Variants in PEX14 observed in about 807,000 individuals in gnomAD.
PEX14 encodes the protein peroxisomal membrane protein PEX14.
A neutral mutation model predicts 49.5 loss-of-function variants in PEX14; 15 were observed. The observed-to-expected ratio is 0.30, with a 90% CI of 0.20 to 0.47. PEX14 has a LOEUF of 0.47. PEX14 is among the 20% of genes least tolerant of loss of function. The pLI is 1.00. For synonymous variants in PEX14, 210 were observed against 212.7 expected (o/e 0.99, Z 0.11); for missense variants, 398 against 494.8 (o/e 0.80, Z 1.86).
At chr1:10,609,777 C>T (rs901948208) in intron 4 of PEX14, among the ~76,000 whole-genome samples, 3 of 151,950 alleles carry the variant, frequency 2.0e-5, no homozygotes, top group Admixed American at 1.3e-4. Context: ...CCCAGCTACT[C>T]GAGAGGATGA....
chr1:10,531,198 G>A (rs1638640297), intron 2 of PEX14, among the ~76,000 whole-genome samples: 1 of 152,144 alleles, frequency 6.6e-6, no homozygotes, highest in South Asian at 2.1e-4. Flanking sequence ...GAGATATATA[G>A]CTTCATAATT....
chr1:10,530,447 G>A (rs1407945315), intron 2 of PEX14, among the ~76,000 whole-genome samples: 2 of 152,204 alleles, frequency 1.3e-5, no homozygotes, highest in Non-Finnish European at 1.5e-5. Context: ...CGCCGGCTCC[G>A]GCTAGGGGGC....
At chr1:10,615,493 G>C (rs1175589766) in intron 4 of PEX14, among the ~76,000 whole-genome samples, 14 of 152,258 alleles carry the variant, frequency 9.2e-5, no homozygotes, top group Non-Finnish European at 1.9e-4. Context: ...AGGAATCTCT[G>C]CGTTTGAATC....
At chr1:10,488,481 A>G (rs1641411471) in intron 1 of PEX14, among the ~76,000 whole-genome samples, 1 of 149,924 alleles carries the variant, frequency 6.7e-6, no homozygotes, top group African/African-American at 2.5e-5. Flanking sequence ...TACATATTAT[A>G]CTTTTCATGT....
intron 4 of PEX14, among the ~76,000 whole-genome samples, chr1:10,615,701 G>A (rs1298932368): frequency 6.6e-6 from 1 of 152,244 alleles, no homozygotes; most frequent in Non-Finnish European, 1.5e-5. Context: ...CGTTGTTGAT[G>A]GCAGCGTGGT....
chr1:10,497,480 T>A (rs913831357), intron 2 of PEX14, among the ~76,000 whole-genome samples: 3 of 152,170 alleles, frequency 2.0e-5, no homozygotes, highest in African/African-American at 7.2e-5. Context: ...GAACAGACAA[T>A]TGAGGAATAA....
intron 7 of PEX14, among the ~76,000 whole-genome samples, chr1:10,625,664 C>T (rs2124643186): frequency 6.6e-6 from 1 of 152,308 alleles, no homozygotes; most frequent in Middle Eastern, 3.4e-3. Flanking sequence ...CCCTAAAGCA[C>T]CAGGAAGCCC....
chr1:10,622,632 C>G (rs1377262201), intron 5 of PEX14, among the ~76,000 whole-genome samples: 1 of 152,198 alleles, frequency 6.6e-6, no homozygotes, highest in Non-Finnish European at 1.5e-5. Context: ...CTCCTGGAGG[C>G]TCCAGCATTA....
intron 2 of PEX14, among the ~76,000 whole-genome samples, chr1:10,531,651 G>C (rs1327890937): frequency 6.6e-6 from 1 of 152,134 alleles, no homozygotes; most frequent in Non-Finnish European, 1.5e-5. Context: ...TTGGTTGTTA[G>C]TGTCATTAAT....
chr1:10,544,713 G>GT (rs1639117068), intron 3 of PEX14, among the ~76,000 whole-genome samples: 1 of 151,726 alleles, frequency 6.6e-6, no homozygotes, highest in Non-Finnish European at 1.5e-5. Context: ...CCATATCCTG[G>GT]TTTGCAAGTA....
intron 1 of PEX14, among the ~76,000 whole-genome samples, chr1:10,481,359 C>T (rs928471690): frequency 6.6e-6 from 1 of 151,950 alleles, no homozygotes; most frequent in Non-Finnish European, 1.5e-5. Flanking sequence ...GGGATGGTCT[C>T]GAACCCCTGA....
chr1:10,518,697 C>G (rs998872950), intron 2 of PEX14, among the ~76,000 whole-genome samples: 73 of 152,256 alleles, frequency 4.8e-4, no homozygotes, highest in African/African-American at 1.7e-3. Flanking sequence ...AAGAAGGAGG[C>G]CTGCTATATG....
chr1:10,553,344 G>A (rs79838792), intron 3 of PEX14, among the ~76,000 whole-genome samples: 2,094 of 152,236 alleles, frequency 0.014, 62 homozygotes, highest in African/African-American at 0.048. Context: ...CCAGGAGTGA[G>A]AGACGCTGTG....
In PEX14 at chr1:10,537,345, C is replaced by G. The variant is rs978746044; in HGVS notation, c.169+1048C>G. ...CACTGGCTGCATTGTGCCAGCACCCCCCCCCCCCGCCATCATTAGGAGATT... is the reference window on the plus strand; with the variant it reads ...CACTGGCTGCATTGTGCCAGCACCCGCCCCCCCCGCCATCATTAGGAGATT... On this transcript the variant is annotated intron_variant, in intron 3 of 8. Transcript: ENST00000356607. Among the ~76,000 whole-genome samples, 21 of 69,940 alleles carry G rather than the reference C, an allele frequency of 3.0e-4. 5 individuals carry two copies. The highest frequency in any genetic ancestry group is 9.3e-4 in the African/African-American group (20 of 21,472). 45.9% of individuals were successfully genotyped at this position (69,940 alleles called of 152,430 possible). A position where few individuals can be genotyped will look rare whatever the true frequency, so the allele number is the denominator to read the frequency against.
At chr1:10,595,499 G>A (rs1230921122) in intron 3 of PEX14, among the ~76,000 whole-genome samples, 6 of 152,164 alleles carry the variant, frequency 3.9e-5, no homozygotes, top group African/African-American at 1.4e-4. Context: ...ATCACCAAGT[G>A]GCAGAAAGGA....
chr1:10,630,002 C>T lies in PEX14; in HGVS notation c.*15C>T, dbSNP rs1384633260. ...AGCGGGACTAGGGCTGCGCCTGCTG[C>T]CTCCAGCCCTGAGGATGGCATCTAG... is the stretch of plus-strand genomic sequence containing the variant. On this transcript the variant is annotated 3_prime_UTR_variant, in exon 9 of 9. Transcript: ENST00000356607. The surrounding 1 kb of genome is among the most constrained non-coding windows in gnomAD (Gnocchi z 4.1). The T allele has an allele frequency of 2.5e-6, 4 of 1,606,814 alleles. No individual in the cohort carries two copies. In the Admixed American group the frequency reaches 6.7e-5, roughly 27 times the overall value.
chr1:10,539,695 A>ATTCTGG lies in PEX14; in HGVS notation c.169+3398_169+3399insTTCTGG, dbSNP rs1450668503. On this transcript the variant is annotated intron_variant, in intron 3 of 8. Coordinates refer to ENST00000356607, the MANE Select transcript of PEX14 (RefSeq NM_004565.3). The surrounding 1 kb of genome is among the most constrained non-coding windows in gnomAD (Gnocchi z 4.6). ...TAGAGTAACGTAAAAACAGCAATAG[A>ATTCTGG]ATCAGTCCAGAAAGTTAGAGGCTTG... 3.7e-4 allele frequency among the ~76,000 whole-genome samples: 57 copies of ATTCTGG among 152,296 alleles called. No homozygotes were observed. The highest frequency in any genetic ancestry group is 1.3e-3 in the African/African-American group (55 of 41,546).
chr1:10,591,667 G>GTA (rs1640672204), intron 3 of PEX14, among the ~76,000 whole-genome samples: 1 of 151,650 alleles, frequency 6.6e-6, no homozygotes, highest in Non-Finnish European at 1.5e-5. Context: ...GTGTGTGTGT[G>GTA]TGTGTGTGTG....
intron 3 of PEX14, among the ~76,000 whole-genome samples, chr1:10,592,229 A>T (rs1640688777): frequency 6.6e-6 from 1 of 152,164 alleles, no homozygotes; most frequent in South Asian, 2.1e-4. Context: ...TTAGGGACAC[A>T]GTTTCTTCCC....
Sources: gnomAD v4.1 joint callset for allele counts (sites outside exome capture counted in the v4.1 genomes callset) on GRCh38, gnomAD v4.1.1 for gene constraint, Gnocchi (gnomAD v3.1) non-coding constraint, MANE v1.5 for transcripts, NCBI Gene and HGNC (gene_info 2026-07-23, HGNC 2026-07-21) for gene names.